Variants in L3MBTL4 observed in about 807,000 individuals in gnomAD.
The protein encoded by L3MBTL4 is lethal(3)malignant brain tumor-like protein 4.
L3MBTL4 carries 70 observed loss-of-function variants against 84.5 expected under a neutral mutation model. That is an observed-to-expected ratio of 0.83 (90% CI 0.68 to 1.01). The LOEUF (loss-of-function observed/expected upper bound fraction) is 1.01. L3MBTL4 is among the 50% of genes least tolerant of loss of function. The probability of loss-of-function intolerance (pLI) is 0.00; values close to 1 mark genes in which losing one functional copy is unlikely to be tolerated. For synonymous variants in L3MBTL4, 274 were observed against 259.8 expected (o/e 1.05, Z -0.52); for missense variants, 715 against 754.8 (o/e 0.95, Z 0.62).
intron 1 of L3MBTL4, among the ~76,000 whole-genome samples, chr18:6,318,494 TAAAAA>T (rs71370550): frequency 0.035 from 495 of 14,184 alleles, 1 homozygote; most frequent in Middle Eastern, 0.14. Flanking sequence ...ACAACAATAG[TAAAAA>T]AAAAAAAAAA....
intron 16 of L3MBTL4, among the ~76,000 whole-genome samples, chr18:5,991,283 G>A (rs925761449): frequency 6.6e-6 from 1 of 152,172 alleles, no homozygotes; most frequent in Admixed American, 6.5e-5. Flanking sequence ...GTATGTGCAA[G>A]TTTGTCTGTA....
intron 10 of L3MBTL4, among the ~76,000 whole-genome samples, chr18:6,223,446 C>A (rs1412610170): frequency 6.6e-6 from 1 of 152,038 alleles, no homozygotes; most frequent in African/African-American, 2.4e-5. Flanking sequence ...AAGGAATTTG[C>A]CATGAGACAT....
intron 16 of L3MBTL4, among the ~76,000 whole-genome samples, chr18:5,994,806 G>T (rs1019185275): frequency 6.6e-5 from 10 of 152,112 alleles, no homozygotes; most frequent in Non-Finnish European, 1.0e-4. Context: ...CTATCATTTT[G>T]TCCCAGTTCT....
intron 10 of L3MBTL4, among the ~76,000 whole-genome samples, chr18:6,230,147 G>A (rs2046935364): frequency 6.6e-6 from 1 of 151,942 alleles, no homozygotes; most frequent in South Asian, 2.1e-4. Context: ...CATGTCACAG[G>A]GGCCTGGTGT....
At chr18:6,233,007 G>A (rs2047060675) in intron 10 of L3MBTL4, among the ~76,000 whole-genome samples, 1 of 152,064 alleles carries the variant, frequency 6.6e-6, no homozygotes, top group African/African-American at 2.4e-5. Flanking sequence ...ATGCAAGGCT[G>A]GTTCAAGATA....
At chr18:6,332,610 G>A (rs1349636085) in intron 1 of L3MBTL4, among the ~76,000 whole-genome samples, 2 of 152,200 alleles carry the variant, frequency 1.3e-5, no homozygotes, top group African/African-American at 4.8e-5. Context: ...ATCTAGGACT[G>A]TTAGATTCAT....
At chr18:6,036,057 G>A (rs1297898137) in intron 16 of L3MBTL4, among the ~76,000 whole-genome samples, 5 of 152,118 alleles carry the variant, frequency 3.3e-5, no homozygotes, top group South Asian at 2.1e-4. Flanking sequence ...GGTTTCTGAC[G>A]AGAAATTTGA....
At chr18:6,064,372 T>A (rs962624211) in intron 16 of L3MBTL4, among the ~76,000 whole-genome samples, 2 of 152,118 alleles carry the variant, frequency 1.3e-5, no homozygotes, top group African/African-American at 2.4e-5. Flanking sequence ...AATTTTAGAA[T>A]GGGTTTTTCT....
At chr18:5,986,859 C>T (rs1291743581) in intron 16 of L3MBTL4, among the ~76,000 whole-genome samples, 1 of 152,218 alleles carries the variant, frequency 6.6e-6, no homozygotes, top group East Asian at 1.9e-4. Flanking sequence ...TTTTAAGAGG[C>T]TTCACAGTTA....
At chr18:6,002,538 A>G (rs1266061638) in intron 16 of L3MBTL4, among the ~76,000 whole-genome samples, 2 of 152,134 alleles carry the variant, frequency 1.3e-5, no homozygotes, top group African/African-American at 4.8e-5. Flanking sequence ...TGATACAAGT[A>G]ACTGAAAAGT....
In L3MBTL4 at chr18:5,969,471, G is replaced by A; in HGVS notation, c.1536C>T (p.Gly512=). The change falls in exon 17 of 19, where the codon GGC becomes GGT. Residue 512 remains glycine (G), a synonymous_variant. Transcript: ENST00000317931. Reference sequence around the variant, plus strand: ...GAAGCAACTTGCAGTGTTGCTCCCTGCCGAGGGGAAGGTCCCGAAAAGGGT... The same window carrying A: ...GAAGCAACTTGCAGTGTTGCTCCCTACCGAGGGGAAGGTCCCGAAAAGGGT... ...SAHPFRDLPL[G]REQHCKLLPG... 1.9e-6 allele frequency: 3 copies of A among 1,614,084 alleles called. No homozygotes were observed. The highest frequency in any genetic ancestry group is 2.5e-6 in the Non-Finnish European group (3 of 1,180,040).
chr18:6,074,765 G>A (rs1428085729), intron 16 of L3MBTL4, among the ~76,000 whole-genome samples: 1 of 151,940 alleles, frequency 6.6e-6, no homozygotes, highest in Non-Finnish European at 1.5e-5. Context: ...GTACATAGAT[G>A]TTTGTTTTGT....
intron 4 of L3MBTL4, among the ~76,000 whole-genome samples, chr18:6,277,380 A>G (rs1329248522): frequency 6.6e-6 from 1 of 152,222 alleles, no homozygotes; most frequent in African/African-American, 2.4e-5. Flanking sequence ...AGCATAACCA[A>G]TTAAATAAAA....
At position 6,239,771 on chromosome 18, in the gene L3MBTL4, A is replaced by T; in HGVS notation, c.654T>A (p.Val218=). ...LVCVATIADI[V]EDRLLVHFDN... ...CAAAATGCACTAGTAAGCGATCTTC[A>T]ACAATATCTGCTATGGTCGCCACAC... The change falls in exon 9 of 19, where the codon GTT becomes GTA. Residue 218 remains valine, a synonymous_variant. Coordinates refer to ENST00000317931, the MANE Select transcript of L3MBTL4 (RefSeq NM_001330559.2). 6.2e-7 allele frequency: 1 copy of T among 1,614,164 alleles called. No individual in the cohort carries two copies. Among genetic ancestry groups the T allele is most frequent in the Non-Finnish European group, 8.5e-7 (1 of 1,180,008 alleles).
intron 1 of L3MBTL4, chr18:6,397,503 GA>G (rs2055322990): frequency 6.6e-6 from 1 of 152,054 alleles, no homozygotes; most frequent in Non-Finnish European, 1.5e-5. Context: ...TCTCTATCAA[GA>G]AAACAACTGT....
At chr18:6,027,706 C>T (rs564685515) in intron 16 of L3MBTL4, among the ~76,000 whole-genome samples, 2 of 152,254 alleles carry the variant, frequency 1.3e-5, no homozygotes, top group Admixed American at 6.5e-5. Context: ...CTGTTGTTTC[C>T]TGACTTTTTA....
At chr18:6,302,084 C>A in intron 3 of L3MBTL4, 127 bp from the exon 4 acceptor site, 1 of 811,948 alleles carries the variant, frequency 1.2e-6, no homozygotes, top group African/African-American at 1.7e-5. Context: ...ACAACGCACA[C>A]AATACCCAGA....
At chr18:5,974,305 G>A (rs746174532) in intron 16 of L3MBTL4, among the ~76,000 whole-genome samples, 12 of 152,194 alleles carry the variant, frequency 7.9e-5, no homozygotes, top group Admixed American at 2.0e-4. Context: ...TCCAGCTGCA[G>A]GGTCTGAAGA....
intron 1 of L3MBTL4, among the ~76,000 whole-genome samples, chr18:6,406,994 C>T (rs377766991): frequency 1.3e-5 from 2 of 152,178 alleles, no homozygotes; most frequent in South Asian, 2.1e-4. Flanking sequence ...TCACACTTTG[C>T]GCATCACGGT....
Sources: gnomAD v4.1 joint callset for allele counts (sites outside exome capture counted in the v4.1 genomes callset) on GRCh38, gnomAD v4.1.1 for gene constraint, MANE v1.5 for transcripts, NCBI Gene and HGNC (gene_info 2026-07-23, HGNC 2026-07-21) for gene names.